DNAH11: variants seen among roughly 807,000 people sequenced by gnomAD.
DNAH11 encodes axonemal beta dynein heavy chain 11.
A neutral mutation model predicts 526.0 loss-of-function variants in DNAH11; 442 were observed. The observed-to-expected ratio is 0.84, with a 90% CI of 0.78 to 0.91. The LOEUF (loss-of-function observed/expected upper bound fraction) is 0.91, where lower values mean the gene tolerates loss of function less well. Ranked by LOEUF, DNAH11 falls within the 40% of genes least tolerant of loss-of-function variation. The pLI is 0.00. For synonymous variants in DNAH11, 2,461 were observed against 1,935.9 expected, an observed-to-expected ratio of 1.27 and a Z score of -7.12; for missense variants, 6,989 against 5,448.7, an observed-to-expected ratio of 1.28 and a Z score of -8.90.
At chr7:21,555,601 C>G (rs1783186297) in intron 2 of DNAH11, among the ~76,000 whole-genome samples, 1 of 152,194 alleles carries the variant, frequency 6.6e-6, no homozygotes, top group Non-Finnish European at 1.5e-5. Flanking sequence ...TGTTATATCT[C>G]AGTTACACAC....
chr7:21,739,427 C>A (rs771417936), intron 47 of DNAH11, 144 bp from the exon 48 acceptor site: 4 of 601,168 alleles, frequency 6.7e-6, no homozygotes, highest in African/African-American at 3.8e-5. Context: ...TGATGTCTCT[C>A]AAATAAGGCT....
intron 9 of DNAH11, 84 bp from the exon 10 acceptor site, chr7:21,587,980 A>G: frequency 1.8e-5 from 24 of 1,305,854 alleles, no homozygotes; most frequent in Non-Finnish European, 2.5e-5. Flanking sequence ...TAGTCATGTA[A>G]GAGGTTTGAA....
intron 30 of DNAH11, among the ~76,000 whole-genome samples, chr7:21,677,448 C>G (rs1387773221): frequency 1.3e-5 from 2 of 152,132 alleles, no homozygotes; most frequent in Non-Finnish European, 2.9e-5. Flanking sequence ...GTGGTGTGAT[C>G]TCAGCTCACT....
intron 25 of DNAH11, among the ~76,000 whole-genome samples, chr7:21,634,279 A>T (rs1341343815): frequency 1.3e-5 from 2 of 152,168 alleles, no homozygotes; most frequent in Non-Finnish European, 2.9e-5. Flanking sequence ...AGACTTGATG[A>T]ACTAGATAAA....
At chr7:21,804,195 G>A (rs1014617376) in intron 62 of DNAH11, among the ~76,000 whole-genome samples, 8 of 151,996 alleles carry the variant, frequency 5.3e-5, no homozygotes, top group South Asian at 2.1e-4. Flanking sequence ...TGCAAGCTCC[G>A]CCTCCCGGGT....
In DNAH11 at chr7:21,773,652, C is replaced by G. The variant is rs72657375; in HGVS notation, c.9103-114C>G. 23,252 of 801,382 alleles carry G rather than the reference C, an allele frequency of 0.029. 1,005 individuals carry two copies. Among genetic ancestry groups the G allele is most frequent in the Admixed American group, 0.15 (4,742 of 30,816 alleles). The allele number at this position is 801,382 out of a possible 1,614,324, so 49.6% of individuals were successfully genotyped here. A position where few individuals can be genotyped will look rare whatever the true frequency, so the allele number is the denominator to read the frequency against. On this transcript the variant is annotated intron_variant, in intron 55 of 81. Transcript: ENST00000409508. The stretch of plus-strand genomic sequence containing the variant: ...ATTAAATAAGTTTTCGTAGGTTATA[C>G]TATCATTTTTTTTTCTGACTTTTAG...
At chr7:21,892,253 T>G (rs1353583902) in intron 76 of DNAH11, among the ~76,000 whole-genome samples, 172 bp from the exon 77 acceptor site, 1 of 152,280 alleles carries the variant, frequency 6.6e-6, no homozygotes, top group African/African-American at 2.4e-5. Context: ...CAGAGATCAG[T>G]CTGGTGTTGC....
chr7:21,744,851 T>C lies in DNAH11; in HGVS notation c.8317-19T>C. 6.3e-7 allele frequency: 1 copy of C among 1,592,892 alleles called. No individual in the cohort carries two copies. The highest frequency in any genetic ancestry group is 8.5e-7 in the Non-Finnish European group (1 of 1,170,814). ...ATGGATGGTTGACATGCCATATTTT[T>C]CTCTTTCTCATCCTGCAGGGTATAG... On this transcript the variant is annotated intron_variant, in intron 50 of 81. Transcript: ENST00000409508.
chr7:21,900,974 C>A, intron 81 of DNAH11, 33 bp from the exon 82 acceptor site: 2 of 1,533,692 alleles, frequency 1.3e-6, no homozygotes, highest in Non-Finnish European at 1.8e-6. Flanking sequence ...AGCAAGCTGC[C>A]ACACAATTGC....
chr7:21,676,928 C>T (rs1168207351), intron 30 of DNAH11, among the ~76,000 whole-genome samples: 3 of 152,112 alleles, frequency 2.0e-5, no homozygotes, highest in African/African-American at 7.2e-5. Context: ...TGTTATTGTA[C>T]ATTAATTCAT....
chr7:21,745,626 G>A (rs557357326), intron 51 of DNAH11, among the ~76,000 whole-genome samples: 2 of 152,202 alleles, frequency 1.3e-5, no homozygotes, highest in African/African-American at 4.8e-5. Flanking sequence ...TACAGCAGCA[G>A]TGAACACAAT....
intron 74 of DNAH11, among the ~76,000 whole-genome samples, chr7:21,874,902 A>G (rs1393338287): frequency 6.6e-6 from 1 of 152,156 alleles, no homozygotes; most frequent in East Asian, 1.9e-4. Context: ...GAGGAAATAC[A>G]TATGATTTGG....
chr7:21,591,182 C>T lies in DNAH11; in HGVS notation c.2275-3C>T. Reference sequence around the variant, plus strand: ...TTTTTGTTTTGGGGTTTTCTTTGCTCAGTACATTGGAAATCTTGACCTTCT... The same window carrying T: ...TTTTTGTTTTGGGGTTTTCTTTGCTTAGTACATTGGAAATCTTGACCTTCT... On this transcript the variant is annotated splice_region_variant and splice_polypyrimidine_tract_variant and intron_variant, in intron 13 of 81. Coordinates refer to ENST00000409508, the MANE Select transcript of DNAH11 (RefSeq NM_001277115.2). The T allele has an allele frequency of 6.5e-7, 1 of 1,537,616 alleles. No homozygotes were observed. The highest frequency in any genetic ancestry group is 8.7e-7 in the Non-Finnish European group (1 of 1,149,890).
chr7:21,862,847 C>T (rs969444862), intron 69 of DNAH11, among the ~76,000 whole-genome samples: 1 of 151,910 alleles, frequency 6.6e-6, no homozygotes, highest in Admixed American at 6.6e-5. Flanking sequence ...GGAGGATCAC[C>T]AGGTCAGGAG....
intron 32 of DNAH11, among the ~76,000 whole-genome samples, chr7:21,684,885 C>G (rs1285041495): frequency 6.6e-6 from 1 of 152,232 alleles, no homozygotes; most frequent in Non-Finnish European, 1.5e-5. Context: ...CACATTTAAT[C>G]TTTGGCATTC....
intron 76 of DNAH11, among the ~76,000 whole-genome samples, chr7:21,884,924 T>C (rs912703605): frequency 1.3e-5 from 2 of 152,248 alleles, no homozygotes; most frequent in Admixed American, 6.5e-5. Context: ...TACTCAATTA[T>C]AATATGTGCT....
chr7:21,793,350 G>A (rs1788556524), intron 61 of DNAH11, among the ~76,000 whole-genome samples: 1 of 152,188 alleles, frequency 6.6e-6, no homozygotes, highest in South Asian at 2.1e-4. Context: ...GGGCGTGGTG[G>A]CTCACGCCTA....
chr7:21,617,785 T>C lies in DNAH11; in HGVS notation c.4254+8T>C, dbSNP rs771512009. The C allele has an allele frequency of 2.4e-5, 38 of 1,573,450 alleles. No individual in the cohort carries two copies. The Middle Eastern group carries it at 4.4e-3, about 183-fold the overall frequency. ...CTGATGAAAGCTATTGGGGTCAGTA[T>C]CCTTGGTCTCACTAATGAACCTTTT... On this transcript the variant is annotated splice_region_variant and intron_variant, in intron 23 of 81. Coordinates refer to ENST00000409508, the MANE Select transcript of DNAH11 (RefSeq NM_001277115.2).
At position 21,795,108 on chromosome 7, in the gene DNAH11, T is replaced by G. The variant is rs78937085; in HGVS notation, c.10026+5766T>G. ...GAAGCCAGATTACTTCCACTCTGCC[T>G]TTCTGGTGACATCCCTTTGTGTTCT... On this transcript the variant is annotated intron_variant, in intron 61 of 81. Coordinates refer to ENST00000409508, the MANE Select transcript of DNAH11 (RefSeq NM_001277115.2). 9.8e-3 allele frequency among the ~76,000 whole-genome samples: 1,496 copies of G among 152,308 alleles called. 17 individuals are homozygous for G. The highest frequency in any genetic ancestry group is 0.034 in the African/African-American group (1,410 of 41,552).
Sources: allele counts gnomAD v4.1 joint callset (sites outside exome capture counted in the v4.1 genomes callset), GRCh38; gene constraint gnomAD v4.1.1; transcripts MANE v1.5; gene names NCBI Gene and HGNC (gene_info 2026-07-23, HGNC 2026-07-21).